The following BMERB1 variants were observed in gnomAD, a reference collection of about 807,000 sequenced individuals.
BMERB1 encodes the protein bMERB domain containing 1.
BMERB1 carries 12 observed loss-of-function variants against 23.6 expected under a neutral mutation model. The ratio of observed to expected loss-of-function variants is 0.51; its 90% CI spans 0.33 to 0.82. The LOEUF (loss-of-function observed/expected upper bound fraction) is 0.82. Among genes scored for constraint, BMERB1 ranks in the 40% least tolerant of loss-of-function variants. The pLI, the probability that BMERB1 is intolerant of heterozygous loss-of-function variation, is 0.03. For missense variants in BMERB1, 247 were observed against 255.4 expected, an observed-to-expected ratio of 0.97 and a Z score of 0.22; for synonymous variants, 122 against 96.6, an observed-to-expected ratio of 1.26 and a Z score of -1.54.
At chr16:15,550,312 C>A (rs1018009992) in intron 2 of BMERB1, among the ~76,000 whole-genome samples, 5 of 151,606 alleles carry the variant, frequency 3.3e-5, no homozygotes, top group African/African-American at 9.7e-5. Context: ...AAACCATTCC[C>A]TGCCATCCCT....
chr16:15,563,582 T>C lies in BMERB1; in HGVS notation c.231-4401T>C, dbSNP rs146117103. 2.8e-4 allele frequency among the ~76,000 whole-genome samples: 43 copies of C among 152,264 alleles called. No individual in the cohort carries two copies. In the East Asian group the frequency reaches 8.3e-3, roughly 29 times the overall value. On this transcript the variant is annotated intron_variant, in intron 2 of 5. Transcript: ENST00000300006. ...TAATTTATACAGAAAAGAAGTTTAATTGACTTGCAGTTCCACTGGCTGTAC... is the reference window on the plus strand; with the variant it reads ...TAATTTATACAGAAAAGAAGTTTAACTGACTTGCAGTTCCACTGGCTGTAC...
At chr16:15,483,448 C>T (rs2051341330) in intron 1 of BMERB1, among the ~76,000 whole-genome samples, 1 of 152,106 alleles carries the variant, frequency 6.6e-6, no homozygotes. Context: ...GGCATGATCT[C>T]AGCTCACTGC....
intron 1 of BMERB1, among the ~76,000 whole-genome samples, chr16:15,454,030 A>T (rs1221903722): frequency 1.3e-5 from 2 of 151,572 alleles, no homozygotes; most frequent in South Asian, 4.2e-4. Flanking sequence ...GACAAGTTGT[A>T]CTTTGGGATC....
rs374691952 is a variant in BMERB1 at position 15,572,097 on chromosome 16, A to G, written c.304+4041A>G. On this transcript the variant is annotated intron_variant, in intron 3 of 5. Transcript: ENST00000300006. ...ACTTTGCAGCTTACAGCTCCCACAT[A>G]AGAACTACTACTTTAGTAATTAGAG... 3.9e-5 allele frequency among the ~76,000 whole-genome samples: 6 copies of G among 152,290 alleles called. No individual in the cohort carries two copies. The East Asian group carries it at 7.7e-4, about 20-fold the overall frequency.
chr16:15,473,658 A>G (rs1386265083), intron 1 of BMERB1, among the ~76,000 whole-genome samples: 1 of 152,076 alleles, frequency 6.6e-6, no homozygotes, highest in Non-Finnish European at 1.5e-5. Flanking sequence ...CTCGCCTGAG[A>G]ATGTCTTTGT....
intron 2 of BMERB1, among the ~76,000 whole-genome samples, chr16:15,566,961 T>C (rs1215382747): frequency 6.6e-6 from 1 of 152,018 alleles, no homozygotes; most frequent in East Asian, 1.9e-4. Context: ...GGTGGGAGGA[T>C]TGCTTGAAGC....
intron 2 of BMERB1, among the ~76,000 whole-genome samples, chr16:15,532,736 AG>A (rs2051981896): frequency 6.8e-6 from 1 of 147,894 alleles, no homozygotes; most frequent in South Asian, 2.2e-4. Context: ...CAGTAGAGAC[AG>A]GGTTTCACTG....
intron 1 of BMERB1, among the ~76,000 whole-genome samples, chr16:15,443,582 G>T (rs552582783): frequency 6.6e-6 from 1 of 151,834 alleles, no homozygotes; most frequent in East Asian, 1.9e-4. Context: ...AAAATCCACC[G>T]CAACTTATAA....
intron 1 of BMERB1, among the ~76,000 whole-genome samples, chr16:15,507,583 A>C (rs1288139489): frequency 6.6e-6 from 1 of 152,186 alleles, no homozygotes; most frequent in African/African-American, 2.4e-5. Flanking sequence ...TGTTGTCTCT[A>C]GCCAGCTTGA....
At chr16:15,508,828 CAAAAAAAAAA>C (rs1181215065) in intron 1 of BMERB1, among the ~76,000 whole-genome samples, 1 of 56,072 alleles carries the variant, frequency 1.8e-5, no homozygotes, top group Non-Finnish European at 3.8e-5. Context: ...CCTGCCCCAC[CAAAAAAAAAA>C]AAAAAAAAAA....
At chr16:15,516,159 C>T (rs2051750078) in intron 2 of BMERB1, among the ~76,000 whole-genome samples, 1 of 152,124 alleles carries the variant, frequency 6.6e-6, no homozygotes, top group Non-Finnish European at 1.5e-5. Context: ...TGCAGTGGCT[C>T]ACACCTGTAA....
At chr16:15,520,292 CTT>C (rs2051834821) in intron 2 of BMERB1, among the ~76,000 whole-genome samples, 1 of 152,052 alleles carries the variant, frequency 6.6e-6, no homozygotes, top group Non-Finnish European at 1.5e-5. Context: ...CCCCTTTTCT[CTT>C]TGCCTTACTC....
At chr16:15,508,563 C>T (rs1268718553) in intron 1 of BMERB1, among the ~76,000 whole-genome samples, 3 of 152,064 alleles carry the variant, frequency 2.0e-5, no homozygotes, top group African/African-American at 7.2e-5. Flanking sequence ...AGATTCATTC[C>T]TGTAATCCCA....
At chr16:15,552,491 C>G (rs2030122398) in intron 2 of BMERB1, among the ~76,000 whole-genome samples, 1 of 152,170 alleles carries the variant, frequency 6.6e-6, no homozygotes, top group Admixed American at 6.5e-5. Context: ...CACTTACTGT[C>G]TCCTTCAAAG....
Position 15,587,199 on chromosome 16 carries a change from G to C in BMERB1, c.*370G>C. 4.0e-6 allele frequency: 1 copy of C among 250,020 alleles called. No individual in the cohort carries two copies. The highest frequency in any genetic ancestry group is 7.9e-6 in the Non-Finnish European group (1 of 126,180). 15.5% of individuals were successfully genotyped at this position (250,020 alleles called of 1,614,324 possible). On this transcript the variant is annotated 3_prime_UTR_variant, in exon 6 of 6. Transcript: ENST00000300006. ...GCATGCTCCCCAGCTGTGTGTAGTC[G>C]TGACTTCTCAACAATCTAGCACCAT...
chr16:15,526,187 C>T (rs1193835170), intron 2 of BMERB1, among the ~76,000 whole-genome samples: 5 of 152,056 alleles, frequency 3.3e-5, no homozygotes, highest in African/African-American at 1.2e-4. Flanking sequence ...ACCAGCACTG[C>T]CCTAGAGAAA....
chr16:15,460,449 A>C (rs1368326901), intron 1 of BMERB1, among the ~76,000 whole-genome samples: 2 of 152,178 alleles, frequency 1.3e-5, no homozygotes, highest in African/African-American at 4.8e-5. Context: ...GGGATGAGCA[A>C]AATCACCCTC....
At chr16:15,508,655 C>A (rs966671844) in intron 1 of BMERB1, among the ~76,000 whole-genome samples, 1 of 151,878 alleles carries the variant, frequency 6.6e-6, no homozygotes, top group Non-Finnish European at 1.5e-5. Context: ...AAAACCCCAT[C>A]TCTACAAATA....
At chr16:15,442,903 G>T (rs1429432913) in intron 1 of BMERB1, among the ~76,000 whole-genome samples, 1 of 152,124 alleles carries the variant, frequency 6.6e-6, no homozygotes, top group Non-Finnish European at 1.5e-5. Flanking sequence ...CAGAATCCCA[G>T]CCTTCACTCT....
Sources: gnomAD v4.1 joint callset for allele counts (sites outside exome capture counted in the v4.1 genomes callset) on GRCh38, gnomAD v4.1.1 for gene constraint, MANE v1.5 for transcripts, NCBI Gene and HGNC (gene_info 2026-07-23, HGNC 2026-07-21) for gene names.